The following PTPN4 variants were observed in gnomAD, a reference collection of about 807,000 sequenced individuals.
PTPN4 encodes the protein protein tyrosine phosphatase non-receptor type 4.
Under a neutral mutation model 135.5 loss-of-function variants are expected in PTPN4, and 49 were observed. That is an observed-to-expected ratio of 0.36 (90% CI 0.29 to 0.46). The LOEUF (loss-of-function observed/expected upper bound fraction) is 0.46. Ranked by LOEUF, PTPN4 falls within the 20% of genes least tolerant of loss-of-function variation. The probability of loss-of-function intolerance (pLI) is 1.00; values close to 1 mark genes in which losing one functional copy is unlikely to be tolerated. For synonymous variants in PTPN4, 333 were observed against 369.9 expected, an observed-to-expected ratio of 0.90 and a Z score of 1.14; for missense variants, 860 against 1,101.0, an observed-to-expected ratio of 0.78 and a Z score of 3.10.
rs184109842 is a variant in PTPN4 at position 119,760,030 on chromosome 2, T to G, written c.-372T>G. ...GGGTCCCAGGGGCCGGAATTGGGCC[T>G]GAGCGGGAGAGGAAAGAGACTTGGC... is the stretch of plus-strand genomic sequence containing the variant. On this transcript the variant is annotated 5_prime_UTR_variant, in exon 1 of 27. Transcript: ENST00000263708. The G allele has an allele frequency of 8.2e-4, 312 of 382,548 alleles. 3 individuals are homozygous for G. The East Asian group carries it at 0.011, about 13-fold the overall frequency. 23.7% of individuals were successfully genotyped at this position (382,548 alleles called of 1,614,324 possible).
At chr2:119,914,496 T>G (rs762470014) in intron 10 of PTPN4, among the ~76,000 whole-genome samples, 34 of 152,092 alleles carry the variant, frequency 2.2e-4, no homozygotes, top group Non-Finnish European at 4.0e-4. Flanking sequence ...GCTGAGAGCT[T>G]CTTGGATAGA....
At chr2:119,895,424 G>A (rs1678306703) in intron 9 of PTPN4, among the ~76,000 whole-genome samples, 1 of 152,174 alleles carries the variant, frequency 6.6e-6, no homozygotes, top group Admixed American at 6.5e-5. Context: ...TGGATCACCT[G>A]AGGTCAGGAG....
At position 119,920,140 on chromosome 2, in the gene PTPN4, A is replaced by C; in HGVS notation, c.900A>C (p.Ala300=). ...GAGCATGTAAAAATTTGTGGAAAGC[A>C]TGTGTAGAACATCACACATTCTTCC... ...NYRACKNLWK[A]CVEHHTFFRL... Residue 300 remains alanine, a synonymous_variant, in exon 12 of 27, where the codon GCA becomes GCC. Coordinates refer to ENST00000263708, the MANE Select transcript of PTPN4 (RefSeq NM_002830.4). 1 of 1,613,512 alleles carries C rather than the reference A, an allele frequency of 6.2e-7. No homozygotes were observed. The highest frequency in any genetic ancestry group is 1.7e-5 in the Admixed American group (1 of 59,920).
intron 2 of PTPN4, among the ~76,000 whole-genome samples, chr2:119,829,999 T>A (rs1021636974): frequency 2.0e-5 from 3 of 152,284 alleles, no homozygotes; most frequent in African/African-American, 4.8e-5. Context: ...GTTTTTTTTT[T>A]AATAGCTATC....
At chr2:119,859,241 G>A (rs78985837) in intron 2 of PTPN4, among the ~76,000 whole-genome samples, 4 of 151,874 alleles carry the variant, frequency 2.6e-5, no homozygotes, top group South Asian at 2.1e-4. Flanking sequence ...GATTCCTTTC[G>A]GTGTTGACAT....
chr2:119,931,877 A>G (rs1373924498), intron 13 of PTPN4, among the ~76,000 whole-genome samples: 1 of 152,230 alleles, frequency 6.6e-6, no homozygotes, highest in African/African-American at 2.4e-5. Context: ...TGTTTTTGGA[A>G]AAAAGGGAAA....
chr2:119,932,168 C>T, intron 13 of PTPN4: 2 of 223,154 alleles, frequency 9.0e-6, no homozygotes, highest in South Asian at 1.1e-4. Flanking sequence ...TTTCTTGTTT[C>T]TTCTGTTTTT....
intron 9 of PTPN4, among the ~76,000 whole-genome samples, chr2:119,889,846 T>A (rs1678215459): frequency 1.3e-5 from 2 of 152,250 alleles, no homozygotes; most frequent in African/African-American, 4.8e-5. Context: ...AAGAATTTTT[T>A]TATTTCCATC....
chr2:119,905,932 C>T (rs1342178095), intron 10 of PTPN4, among the ~76,000 whole-genome samples: 2 of 152,032 alleles, frequency 1.3e-5, no homozygotes, highest in Admixed American at 6.6e-5. Flanking sequence ...ACATAACATA[C>T]TAGAACCTGT....
chr2:119,837,937 G>A lies in PTPN4; in HGVS notation c.139-24599G>A, dbSNP rs1001237797. On this transcript the variant is annotated intron_variant, in intron 2 of 26. Transcript: ENST00000263708. ...GCTGTGTGCAGTGGCTGGACCCTGT[G>A]CTCACTCGCCCACACACCCCTCGCT... Among the ~76,000 whole-genome samples the A allele has an allele frequency of 2.6e-5, 4 of 152,316 alleles. No homozygotes were observed. The South Asian group carries it at 8.3e-4, about 32-fold the overall frequency.
chr2:119,824,030 A>G (rs1677109318), intron 2 of PTPN4, among the ~76,000 whole-genome samples: 1 of 152,174 alleles, frequency 6.6e-6, no homozygotes, highest in Non-Finnish European at 1.5e-5. Flanking sequence ...TATTTTCCAA[A>G]TTCCCGCTAG....
At chr2:119,893,238 T>C (rs1011288591) in intron 9 of PTPN4, among the ~76,000 whole-genome samples, 1 of 152,130 alleles carries the variant, frequency 6.6e-6, no homozygotes, top group African/African-American at 2.4e-5. Context: ...TGGACAGTAA[T>C]CAGATTTTGA....
intron 11 of PTPN4, 131 bp downstream of exon 11, chr2:119,915,373 A>G (rs1678638551): frequency 1.6e-6 from 1 of 625,694 alleles, no homozygotes; most frequent in African/African-American, 1.9e-5. Flanking sequence ...CGCTGAGGTA[A>G]TGAATTCACT....
At chr2:119,877,598 T>C (rs1205612750) in intron 5 of PTPN4, 56 bp downstream of exon 5, 4 of 1,538,290 alleles carry the variant, frequency 2.6e-6, no homozygotes, top group Non-Finnish European at 3.5e-6. Context: ...AATATGAAAT[T>C]TTGAAATTAA....
At chr2:119,936,107 A>C (rs1678978857) in intron 15 of PTPN4, among the ~76,000 whole-genome samples, 1 of 151,626 alleles carries the variant, frequency 6.6e-6, no homozygotes, top group Non-Finnish European at 1.5e-5. Flanking sequence ...GGTTCACGCC[A>C]TTCTCCTGCC....
At chr2:119,922,832 A>C (rs931098802) in intron 12 of PTPN4, among the ~76,000 whole-genome samples, 3 of 152,210 alleles carry the variant, frequency 2.0e-5, no homozygotes, top group African/African-American at 7.2e-5. Context: ...TGAACATTCA[A>C]ATTCTTTAAT....
intron 15 of PTPN4, among the ~76,000 whole-genome samples, chr2:119,937,069 G>C (rs1678994481): frequency 6.6e-6 from 1 of 152,182 alleles, no homozygotes; most frequent in African/African-American, 2.4e-5. Context: ...CCATTTTATA[G>C]ATAAGAAAGC....
chr2:119,844,470 G>A (rs1439277339), intron 2 of PTPN4, among the ~76,000 whole-genome samples: 1 of 147,692 alleles, frequency 6.8e-6, no homozygotes, highest in African/African-American at 2.5e-5. Context: ...GCAGCTGCCG[G>A]GCGGAGGGGC....
intron 3 of PTPN4, among the ~76,000 whole-genome samples, chr2:119,872,025 G>A (rs1341371984): frequency 6.6e-6 from 1 of 152,196 alleles, no homozygotes; most frequent in East Asian, 1.9e-4. Context: ...GGGAGCTGTA[G>A]TGGGAAAATA....
Sources: allele counts gnomAD v4.1 joint callset (sites outside exome capture counted in the v4.1 genomes callset), GRCh38; gene constraint gnomAD v4.1.1; transcripts MANE v1.5; gene names NCBI Gene and HGNC (gene_info 2026-07-23, HGNC 2026-07-21).